The following KALRN variants were observed in gnomAD, a reference collection of about 807,000 sequenced individuals.
The protein encoded by KALRN is kalirin.
Under a neutral mutation model 353.7 loss-of-function variants are expected in KALRN, and 70 were observed. That is an observed-to-expected ratio of 0.20 (90% CI 0.16 to 0.24). The LOEUF (loss-of-function observed/expected upper bound fraction) is 0.24. Ranked by LOEUF, KALRN falls within the 10% of genes least tolerant of loss-of-function variation. KALRN has a pLI of 1.00. For missense variants in KALRN, 2,791 were observed against 3,756.7 expected (o/e 0.74, Z 6.72); for synonymous variants, 1,391 against 1,434.8 (o/e 0.97, Z 0.69).
intron 34 of KALRN, among the ~76,000 whole-genome samples, chr3:124,568,062 C>A (rs145909622): frequency 1.3e-3 from 191 of 152,200 alleles, no homozygotes; most frequent in African/African-American, 4.4e-3. Flanking sequence ...CTCAGCACCC[C>A]CAGGGTGTCA....
chr3:124,605,006 T>C (rs909585424), intron 34 of KALRN, among the ~76,000 whole-genome samples: 1 of 151,920 alleles, frequency 6.6e-6, no homozygotes, highest in Non-Finnish European at 1.5e-5. Context: ...AATATATATA[T>C]ACAAAAATTA....
intron 34 of KALRN, among the ~76,000 whole-genome samples, chr3:124,598,929 A>G (rs35010210): frequency 0.16 from 23,548 of 151,842 alleles, 1,957 homozygotes; most frequent in Middle Eastern, 0.19. Flanking sequence ...GCCCACCTCA[A>G]CCTCCCACAG....
chr3:124,712,656 GAA>G (rs33926628), intron 57 of KALRN, among the ~76,000 whole-genome samples: 1 of 91,690 alleles, frequency 1.1e-5, no homozygotes, highest in Non-Finnish European at 2.3e-5. Context: ...CCCTGTCTCA[GAA>G]AAAAAAAAAA....
Position 124,265,295 on chromosome 3 carries a change from A to ATTTTTTTTTTT in KALRN, c.456+607_456+608insTTTTTTTTTTT, listed in dbSNP as rs1465968614. On this transcript the variant is annotated intron_variant, in intron 4 of 59. Coordinates refer to ENST00000682506, the MANE Select transcript of KALRN (RefSeq NM_001388419.1). Reference sequence around the variant, plus strand: ...TATCTAGTAACTAATTTAAGAAAATATTCTTTTTTTTTTTTTTGAGATAGA... The same window carrying ATTTTTTTTTTT: ...TATCTAGTAACTAATTTAAGAAAATATTTTTTTTTTTTTCTTTTTTTTTTTTTTGAGATAGA... Among the ~76,000 whole-genome samples, 29 of 61,072 alleles carry ATTTTTTTTTTT rather than the reference A, an allele frequency of 4.7e-4. 1 individual carries two copies. The highest frequency in any genetic ancestry group is 8.7e-4 in the Non-Finnish European group (25 of 28,614). The allele number at this position is 61,072 out of a possible 152,430, so 40.1% of individuals were successfully genotyped here. A position where few individuals can be genotyped will look rare whatever the true frequency, so the allele number is the denominator to read the frequency against.
At chr3:124,259,700 A>G (rs1320624060) in intron 3 of KALRN, among the ~76,000 whole-genome samples, 1 of 152,198 alleles carries the variant, frequency 6.6e-6, no homozygotes, top group Non-Finnish European at 1.5e-5. Context: ...CAGTGAAATG[A>G]ATAAAAACTT....
At chr3:124,637,128 G>A (rs919383052) in intron 36 of KALRN, 80 bp from the exon 37 acceptor site, 31 of 1,186,240 alleles carry the variant, frequency 2.6e-5, no homozygotes, top group Middle Eastern at 3.8e-4. Flanking sequence ...CTTGAGCTTT[G>A]GACTTTCTGT....
At chr3:124,495,763 C>A (rs1206315893) in intron 32 of KALRN, among the ~76,000 whole-genome samples, 5 of 132,022 alleles carry the variant, frequency 3.8e-5, no homozygotes, top group Admixed American at 7.6e-5. Flanking sequence ...AAGAAGAAAT[C>A]TTGTCACTTC....
chr3:124,105,531 A>G (rs910405815), intron 1 of KALRN, among the ~76,000 whole-genome samples: 1 of 152,202 alleles, frequency 6.6e-6, no homozygotes, highest in African/African-American at 2.4e-5. Context: ...TACGAAGAGT[A>G]TTCCTTAAGG....
Position 124,719,661 on chromosome 3 carries a change from CT to C in KALRN, c.*195del, listed in dbSNP as rs574329807. The C allele has an allele frequency of 5.1e-6, 3 of 583,698 alleles. No homozygotes were observed. The African/African-American group carries it at 5.6e-5, about 11-fold the overall frequency. 36.2% of individuals were successfully genotyped at this position (583,698 alleles called of 1,614,324 possible). A position where few individuals can be genotyped will look rare whatever the true frequency, so the allele number is the denominator to read the frequency against. On this transcript the variant is annotated 3_prime_UTR_variant, in exon 60 of 60. Transcript: ENST00000682506. This position sits in a 1 kb window ranked among gnomAD's most constrained non-coding sequence, Gnocchi z 5.3. Reference sequence around the variant, plus strand: ...GTAAAAGTCACCCTAAATCAAGGGGCTTTTCAGAAGGTCATTCTGAAGAAAT... The same window carrying C: ...GTAAAAGTCACCCTAAATCAAGGGGCTTTCAGAAGGTCATTCTGAAGAAAT...
intron 14 of KALRN, among the ~76,000 whole-genome samples, chr3:124,419,262 C>G (rs980551667): frequency 1.3e-5 from 2 of 150,894 alleles, no homozygotes; most frequent in East Asian, 3.9e-4. Flanking sequence ...AAAGTGTATT[C>G]ATTATAATTT....
intron 59 of KALRN, among the ~76,000 whole-genome samples, chr3:124,718,522 T>C (rs1314221868): frequency 3.3e-5 from 5 of 152,194 alleles, no homozygotes; most frequent in Non-Finnish European, 5.9e-5. Context: ...ACATCTGGTG[T>C]GAGAGAAGGT....
intron 34 of KALRN, among the ~76,000 whole-genome samples, chr3:124,575,162 G>A (rs1048647998): frequency 1.3e-5 from 2 of 152,206 alleles, no homozygotes; most frequent in Non-Finnish European, 2.9e-5. Context: ...GGTAGGACTG[G>A]GTTGTCTTGT....
At position 124,658,432 on chromosome 3, in the gene KALRN, A is replaced by T; in HGVS notation, c.6038A>T (p.Glu2013Val). The T allele has an allele frequency of 6.2e-7, 1 of 1,612,104 alleles. No homozygotes were observed. Among genetic ancestry groups the T allele is most frequent in the Non-Finnish European group, 8.5e-7 (1 of 1,178,134 alleles). The change falls in exon 42 of 60, where the codon GAG becomes GTG. Residue 2013 changes from glutamate to valine, a missense_variant and splice_region_variant. By Grantham distance (121) the Glu-to-Val change is moderately radical. Around this residue, in one of 11 missense-constraint regions of KALRN, gnomAD observed 1,065 missense variants for 1,156.4 expected, o/e 0.92. Transcript: ENST00000682506. ...ACATGTCTCTCTCTGCTCTTTCAGG[A>T]GCGGAAGCTGCACATCTACGTGTGG... ...DRLAQLFIKH[E>V]RKLHIYVWYC...
intron 10 of KALRN, 42 bp from the exon 11 acceptor site, chr3:124,384,803 C>A (rs369500545): frequency 1.3e-6 from 2 of 1,530,890 alleles, no homozygotes; most frequent in Non-Finnish European, 1.8e-6. Flanking sequence ...TGCTGGAAGG[C>A]GCGACTGCAA....
intron 34 of KALRN, among the ~76,000 whole-genome samples, chr3:124,600,153 G>A (rs1352976799): frequency 2.0e-5 from 3 of 152,274 alleles, no homozygotes. Flanking sequence ...GTGAGGATAA[G>A]TGCAGTTATC....
rs767063692 is a variant in KALRN, at chr3:124,490,701, C to T, written c.4404C>T (p.Asp1468=). ...AMHVSMLEGF[D]ENLDVQGELI... The stretch of plus-strand genomic sequence containing the variant: ...GAAATGGATGTTTTTCAGGGTTCGA[C>T]GAGAACCTGGATGTGCAGGGGGAGT... The change falls in exon 30 of 60, where the codon GAC becomes GAT. Residue 1468 remains aspartate (D), a synonymous_variant. Coordinates refer to ENST00000682506, the MANE Select transcript of KALRN (RefSeq NM_001388419.1). 7.4e-6 allele frequency: 12 copies of T among 1,612,228 alleles called. No homozygotes were observed. Among genetic ancestry groups the T allele is most frequent in the South Asian group, 3.3e-5 (3 of 90,944 alleles).
rs2039066241 is a variant in KALRN at position 124,033,378 on chromosome 3, A to T, written c.-363A>T. On this transcript the variant is annotated 5_prime_UTR_variant, in exon 1 of 60. Coordinates refer to ENST00000682506, the MANE Select transcript of KALRN (RefSeq NM_001388419.1). The surrounding 1 kb of genome is among the most constrained non-coding windows in gnomAD (Gnocchi z 6.2). ...CGGAGCAGGGCTGAACAATAGAGAC[A>T]GGCAGACGGGCGAGCAGGAGAGCCA... Among the ~76,000 whole-genome samples the T allele has an allele frequency of 6.6e-6, 1 of 151,778 alleles. No homozygotes were observed. Among genetic ancestry groups the T allele is most frequent in the African/African-American group, 2.4e-5 (1 of 41,342 alleles).
intron 1 of KALRN, among the ~76,000 whole-genome samples, chr3:124,212,973 C>T (rs967402065): frequency 6.6e-6 from 1 of 151,890 alleles, no homozygotes; most frequent in Non-Finnish European, 1.5e-5. Context: ...TTTTCTCTAT[C>T]GTATTTGATA....
chr3:124,413,757 AT>A, intron 14 of KALRN, 92 bp downstream of exon 14: 1 of 982,890 alleles, frequency 1.0e-6, no homozygotes, highest in Non-Finnish European at 1.5e-6. Context: ...TCGTTTATTC[AT>A]TTTATTCCTA....
Sources: allele counts gnomAD v4.1 joint callset (sites outside exome capture counted in the v4.1 genomes callset), GRCh38; gene constraint gnomAD v4.1.1; regional missense constraint gnomAD v4.1.1; non-coding constraint Gnocchi (gnomAD v3.1); transcripts MANE v1.5; gene names NCBI Gene and HGNC (gene_info 2026-07-23, HGNC 2026-07-21).